SLC25A30: variants seen among roughly 807,000 people sequenced by gnomAD.
SLC25A30 encodes the protein kidney mitochondrial carrier protein 1.
A neutral mutation model predicts 42.7 loss-of-function variants in SLC25A30; 29 were observed. The ratio of observed to expected loss-of-function variants is 0.68; its 90% CI spans 0.51 to 0.93. The LOEUF is 0.93. Among genes scored for constraint, SLC25A30 ranks in the 40% least tolerant of loss-of-function variants. The pLI, the probability that SLC25A30 is intolerant of heterozygous loss-of-function variation, is 0.00. For synonymous variants in SLC25A30, 124 were observed against 131.0 expected, an observed-to-expected ratio of 0.95 and a Z score of 0.37; for missense variants, 300 against 359.7, an observed-to-expected ratio of 0.83 and a Z score of 1.34.
rs145903350 is a variant in SLC25A30 at position 45,401,106 on chromosome 13, T to G, written c.591A>C (p.Gly197=). The G allele has an allele frequency of 0.02, 32,309 of 1,613,644 alleles. 603 individuals are homozygous for G. The highest frequency in any genetic ancestry group is 0.02 in the Non-Finnish European group (23,603 of 1,179,616). ...KKHLILSGLM[G]DTVYTHFLSS... is the part of the protein sequence containing the mutation. Reference sequence around the variant, plus strand: ...ACAGGAAGTGGGTATACACAGTGTCTCCCATCAGGCCTGAGAGAATAAGAT... The same window carrying G: ...ACAGGAAGTGGGTATACACAGTGTCGCCCATCAGGCCTGAGAGAATAAGAT... Residue 197 remains glycine, a synonymous_variant, in exon 7 of 10, where the codon GGA becomes GGC. Coordinates refer to ENST00000519676, the MANE Select transcript of SLC25A30 (RefSeq NM_001010875.4).
the SLC25A30 span, among the ~76,000 whole-genome samples, chr13:45,429,056 CTTTTTTTTT>C: frequency 7.0e-4 from 66 of 93,842 alleles, 2 homozygotes; most frequent in East Asian, 0.019. Flanking sequence ...TGTGCAAGCT[CTTTTTTTTT>C]TTTTTTTTTT....
intron 3 of SLC25A30, among the ~76,000 whole-genome samples, chr13:45,408,014 G>A (rs1005697321): frequency 6.6e-6 from 1 of 152,116 alleles, no homozygotes; most frequent in Non-Finnish European, 1.5e-5. Flanking sequence ...TTCTCTCCAT[G>A]GCAGGCAGGT....
At chr13:45,401,247 C>T (rs534848399) in intron 6 of SLC25A30, 40 bp from the exon 7 acceptor site, 1 of 1,605,386 alleles carries the variant, frequency 6.2e-7, no homozygotes, top group Non-Finnish European at 8.5e-7. Context: ...TTCTGATATG[C>T]CTCTGTAGAA....
At position 45,394,197 on chromosome 13, in the gene SLC25A30, C is replaced by T. The variant is rs1241258591; in HGVS notation, c.*1777G>A. ...CTAGGGTTGCCCAGGGAGAGCTGGACTTTCATCTGAGTCTCAGCAATTAAC... is the reference window on the plus strand; with the variant it reads ...CTAGGGTTGCCCAGGGAGAGCTGGATTTTCATCTGAGTCTCAGCAATTAAC... On this transcript the variant is annotated 3_prime_UTR_variant, in exon 10 of 10. Transcript: ENST00000519676. The T allele has an allele frequency of 1.0e-6, 1 of 985,232 alleles. No homozygotes were observed. The highest frequency in any genetic ancestry group is 1.2e-6 in the Non-Finnish European group (1 of 829,930). The allele number at this position is 985,232 out of a possible 1,614,324, so 61.0% of individuals were successfully genotyped here. A position where few individuals can be genotyped will look rare whatever the true frequency, so the allele number is the denominator to read the frequency against.
chr13:45,430,885 C>G, the SLC25A30 span, among the ~76,000 whole-genome samples: 2 of 152,252 alleles, frequency 1.3e-5, no homozygotes, highest in East Asian at 3.9e-4. Flanking sequence ...GCCACTGTCA[C>G]TGGCTAGCCC....
chr13:45,424,897 T>TATATATAAATATATATAAATATATATAA, the SLC25A30 span, among the ~76,000 whole-genome samples: 4 of 37,592 alleles, frequency 1.1e-4, no homozygotes, highest in East Asian at 2.1e-3. Context: ...TATATTTAAA[T>TATATATAAATATATATAAATATATATAA]ATATATAAAT....
chr13:45,429,672 A>G, the SLC25A30 span, among the ~76,000 whole-genome samples: 1 of 151,894 alleles, frequency 6.6e-6, no homozygotes, highest in Non-Finnish European at 1.5e-5. Context: ...CTCTACAAAA[A>G]AAAATTTTTT....
chr13:45,424,434 T>TAA, the SLC25A30 span, among the ~76,000 whole-genome samples: 6 of 63,684 alleles, frequency 9.4e-5, no homozygotes, highest in Admixed American at 2.8e-4. Flanking sequence ...TGAATATATA[T>TAA]ATAAATATAT....
At chr13:45,423,327 G>A (rs1191363442), upstream of SLC25A30, among the ~76,000 whole-genome samples, 2 of 151,406 alleles carry the variant, frequency 1.3e-5, no homozygotes, top group African/African-American at 4.9e-5. Context: ...ACAGTGCAGG[G>A]AAACTCATGT....
chr13:45,422,225 A>G (rs141948365), upstream of SLC25A30, among the ~76,000 whole-genome samples: 570 of 152,316 alleles, frequency 3.7e-3, 6 homozygotes, highest in African/African-American at 0.013. Flanking sequence ...TGCAGATAAT[A>G]TGGACCTGCG....
chr13:45,397,204 A>G (rs1296906463), intron 9 of SLC25A30, 54 bp downstream of exon 9: 2 of 1,158,626 alleles, frequency 1.7e-6, no homozygotes, highest in Admixed American at 2.0e-5. Flanking sequence ...GTTTATACAA[A>G]TAGTATTCTT....
intron 4 of SLC25A30, among the ~76,000 whole-genome samples, chr13:45,405,096 G>A (rs1252033669): frequency 6.6e-6 from 1 of 151,940 alleles, no homozygotes; most frequent in Non-Finnish European, 1.5e-5. Flanking sequence ...CTAATATTTT[G>A]TATTTTTTGT....
upstream of SLC25A30, among the ~76,000 whole-genome samples, chr13:45,423,405 T>C (rs1269757583): frequency 1.3e-5 from 2 of 149,726 alleles, no homozygotes; most frequent in Admixed American, 6.9e-5. Context: ...CATTTACTTA[T>C]TTTGGTATCT....
the SLC25A30 span, among the ~76,000 whole-genome samples, chr13:45,424,624 T>TATGAAC: frequency 1.3e-5 from 1 of 74,276 alleles, no homozygotes; most frequent in Non-Finnish European, 2.5e-5. Context: ...TATAAATATA[T>TATGAAC]ATAAATATGT....
intron 9 of SLC25A30, 121 bp downstream of exon 9, chr13:45,397,137 T>C (rs1566199497): frequency 1.4e-6 from 1 of 715,114 alleles, no homozygotes; most frequent in African/African-American, 1.8e-5. Context: ...CTTCTTAGCA[T>C]CAGAGGAACT....
At chr13:45,424,150 T>TCA in the SLC25A30 span, among the ~76,000 whole-genome samples, 1 of 86,776 alleles carries the variant, frequency 1.2e-5, no homozygotes, top group Non-Finnish European at 2.0e-5. Flanking sequence ...TAAATATAAG[T>TCA]ATATATATAG....
At position 45,397,314 on chromosome 13, in the gene SLC25A30, CA is replaced by C. The variant is rs754868559; in HGVS notation, c.777del (p.Phe259LeufsTer12). On this transcript the variant is annotated frameshift_variant, in exon 9 of 10. Coordinates refer to ENST00000519676, the MANE Select transcript of SLC25A30 (RefSeq NM_001010875.4). LOFTEE classifies it high-confidence loss of function. ...TTTGGCCAAAAGCCTTTATAGAGAG[CA>C]AAAAACCCTTCATTCTTCCATGTCT... is the stretch of plus-strand genomic sequence containing the variant. ...LLQTWKNEGF[F>X]ALYKGFWPNW... 2 of 1,610,690 alleles carry C rather than the reference CA, an allele frequency of 1.2e-6. No homozygotes were observed. The highest frequency in any genetic ancestry group is 1.3e-5 in the African/African-American group (1 of 74,682).
At chr13:45,425,280 A>G in the SLC25A30 span, among the ~76,000 whole-genome samples, 1 of 103,952 alleles carries the variant, frequency 9.6e-6, no homozygotes, top group Non-Finnish European at 1.7e-5. Context: ...ATACATATAA[A>G]TATATGTACG....
At chr13:45,405,768 TTGTAGCAG>T in intron 4 of SLC25A30, 107 bp downstream of exon 4, 1 of 870,264 alleles carries the variant, frequency 1.1e-6, no homozygotes, top group Non-Finnish European at 1.8e-6. Context: ...CCCAGAGTTC[TTGTAGCAG>T]TAGGAAAGTC....
Sources: gnomAD v4.1 joint callset for allele counts (sites outside exome capture counted in the v4.1 genomes callset) on GRCh38, gnomAD v4.1.1 for gene constraint, MANE v1.5 for transcripts, NCBI Gene and HGNC (gene_info 2026-07-23, HGNC 2026-07-21) for gene names.